The following SPOCK3 variants were observed in gnomAD, a reference collection of about 807,000 sequenced individuals.
SPOCK3 encodes the protein testican-3.
SPOCK3 carries 30 observed loss-of-function variants against 56.6 expected under a neutral mutation model. The ratio of observed to expected loss-of-function variants is 0.53; its 90% CI spans 0.40 to 0.72. SPOCK3 has a LOEUF of 0.72. Among genes scored for constraint, SPOCK3 ranks in the 30% least tolerant of loss-of-function variants. SPOCK3 has a pLI of 0.00. For synonymous variants in SPOCK3, 196 were observed against 183.3 expected, an observed-to-expected ratio of 1.07 and a Z score of -0.56; for missense variants, 527 against 530.0, an observed-to-expected ratio of 0.99 and a Z score of 0.06.
chr4:167,052,563 C>T (rs141949970), intron 3 of SPOCK3, among the ~76,000 whole-genome samples: 90 of 152,252 alleles, frequency 5.9e-4, no homozygotes, highest in African/African-American at 2.0e-3. Flanking sequence ...TCAGAAAATA[C>T]TGTAATCATG....
At chr4:166,831,155 C>T (rs963138602) in intron 6 of SPOCK3, among the ~76,000 whole-genome samples, 1 of 152,014 alleles carries the variant, frequency 6.6e-6, no homozygotes, top group African/African-American at 2.4e-5. Context: ...GCATGTTAGC[C>T]ATGTTGAGTC....
intron 2 of SPOCK3, among the ~76,000 whole-genome samples, chr4:167,127,765 T>C (rs1331840503): frequency 3.9e-5 from 6 of 152,198 alleles, no homozygotes; most frequent in African/African-American, 1.2e-4. Context: ...TATTCATTTA[T>C]AGAAGTGGAC....
intron 2 of SPOCK3, among the ~76,000 whole-genome samples, chr4:167,157,610 G>GT (rs761030605): frequency 7.9e-4 from 114 of 143,898 alleles, no homozygotes; most frequent in South Asian, 3.5e-3. Context: ...GATAGGAAAG[G>GT]TTTTTTTTAA....
intron 4 of SPOCK3, among the ~76,000 whole-genome samples, chr4:166,956,311 C>T (rs1459969833): frequency 6.6e-6 from 1 of 151,892 alleles, no homozygotes; most frequent in African/African-American, 2.4e-5. Context: ...AGATAAACAA[C>T]AATAATTAAA....
At chr4:167,150,046 C>G (rs1529397) in intron 2 of SPOCK3, among the ~76,000 whole-genome samples, 1 of 152,000 alleles carries the variant, frequency 6.6e-6, no homozygotes, top group African/African-American at 2.4e-5. Flanking sequence ...GTTCAATAAA[C>G]AGCTGAATTG....
rs181479347 is a variant in SPOCK3, at chr4:167,163,593, C to T, written c.189+70392G>A. On this transcript the variant is annotated intron_variant, in intron 2 of 10. Coordinates refer to ENST00000357545, the MANE Select transcript of SPOCK3 (RefSeq NM_001040159.2). ...TTCCCCACCCCTCCCCACTACCCTT[C>T]CCAACCTCTGGTAACCATCATTCTG... 5.9e-5 allele frequency among the ~76,000 whole-genome samples: 9 copies of T among 151,844 alleles called. No individual in the cohort carries two copies. The East Asian group carries it at 1.8e-3, about 30-fold the overall frequency.
intron 6 of SPOCK3, among the ~76,000 whole-genome samples, chr4:166,833,286 CAT>C (rs1179665264): frequency 1.3e-5 from 2 of 152,138 alleles, no homozygotes; most frequent in African/African-American, 2.4e-5. Flanking sequence ...AGGTGACTAT[CAT>C]GTGTGCACTT....
At chr4:166,946,437 T>C (rs1045884611) in intron 4 of SPOCK3, among the ~76,000 whole-genome samples, 3 of 152,206 alleles carry the variant, frequency 2.0e-5, no homozygotes, top group Non-Finnish European at 2.9e-5. Context: ...TTGGCCTTCT[T>C]GCTGTTCCAT....
At chr4:166,957,850 T>C (rs1322977128) in intron 4 of SPOCK3, among the ~76,000 whole-genome samples, 2 of 152,118 alleles carry the variant, frequency 1.3e-5, no homozygotes, top group Non-Finnish European at 2.9e-5. Flanking sequence ...AGTAACCAAT[T>C]TGTGTTTTAT....
At chr4:167,065,061 G>C (rs1295951555) in intron 2 of SPOCK3, among the ~76,000 whole-genome samples, 2 of 46,356 alleles carry the variant, frequency 4.3e-5, no homozygotes, top group African/African-American at 1.9e-4. Context: ...AAAAAAAAAA[G>C]TCAAACGCAG....
intron 6 of SPOCK3, among the ~76,000 whole-genome samples, chr4:166,847,665 A>ATATATATATATATATATATATATG (rs1748232538): frequency 9.9e-6 from 1 of 100,692 alleles, no homozygotes; most frequent in Non-Finnish European, 1.8e-5. Flanking sequence ...ATATATATAT[A>ATATATATATATATATATATATATG]TATATATATA....
chr4:167,198,628 T>G (rs368626157), intron 2 of SPOCK3, among the ~76,000 whole-genome samples: 7 of 152,296 alleles, frequency 4.6e-5, no homozygotes, highest in African/African-American at 1.2e-4. Context: ...TTGTTAGTTT[T>G]TATTTGTGTT....
At chr4:166,940,527 C>A (rs1307800955) in intron 4 of SPOCK3, among the ~76,000 whole-genome samples, 1 of 151,912 alleles carries the variant, frequency 6.6e-6, no homozygotes, top group Non-Finnish European at 1.5e-5. Context: ...GCAAAGCTAT[C>A]TTCGGTAGAG....
intron 7 of SPOCK3, among the ~76,000 whole-genome samples, chr4:166,777,989 T>C (rs939812656): frequency 6.6e-6 from 1 of 152,150 alleles, no homozygotes; most frequent in African/African-American, 2.4e-5. Flanking sequence ...GACCACAGTG[T>C]GCTTATTAAT....
At chr4:166,847,902 G>A (rs1748270654) in intron 6 of SPOCK3, among the ~76,000 whole-genome samples, 1 of 151,780 alleles carries the variant, frequency 6.6e-6, no homozygotes, top group African/African-American at 2.4e-5. Flanking sequence ...TTCTAGTTAT[G>A]CAGCCAAACT....
chr4:166,739,422 G>C (rs1299519041), intron 9 of SPOCK3, among the ~76,000 whole-genome samples: 1 of 151,886 alleles, frequency 6.6e-6, no homozygotes, highest in Non-Finnish European at 1.5e-5. Flanking sequence ...TGTGTTTTTA[G>C]TACAGATGGG....
chr4:167,061,626 G>C (rs1755616541), intron 3 of SPOCK3, among the ~76,000 whole-genome samples: 2 of 151,792 alleles, frequency 1.3e-5, no homozygotes, highest in Non-Finnish European at 2.9e-5. Flanking sequence ...AAAATACTCT[G>C]AGCTCCTTTA....
At chr4:166,910,789 T>C (rs1482051982) in intron 5 of SPOCK3, among the ~76,000 whole-genome samples, 1 of 152,150 alleles carries the variant, frequency 6.6e-6, no homozygotes, top group Admixed American at 6.6e-5. Context: ...ATTTCCAATG[T>C]TGAGAAAGAC....
intron 6 of SPOCK3, among the ~76,000 whole-genome samples, chr4:166,831,282 C>G (rs1043508631): frequency 9.9e-5 from 15 of 152,106 alleles, no homozygotes; most frequent in Non-Finnish European, 2.1e-4. Context: ...AAAGAGTTAA[C>G]CTCATAAGGG....
Sources: gnomAD v4.1 joint callset for allele counts (sites outside exome capture counted in the v4.1 genomes callset) on GRCh38, gnomAD v4.1.1 for gene constraint, MANE v1.5 for transcripts, NCBI Gene and HGNC (gene_info 2026-07-23, HGNC 2026-07-21) for gene names.